USP13: variants seen among roughly 807,000 people sequenced by gnomAD.
USP13 encodes the protein ubiquitin specific peptidase 13.
Under a neutral mutation model 107.8 loss-of-function variants are expected in USP13, and 68 were observed. The ratio of observed to expected loss-of-function variants is 0.63; its 90% CI spans 0.52 to 0.77. USP13 has a LOEUF of 0.77. Among genes scored for constraint, USP13 ranks in the 30% least tolerant of loss-of-function variants. The pLI is 0.00. For missense variants in USP13, 945 were observed against 1,093.3 expected (o/e 0.86, Z 1.91); for synonymous variants, 377 against 389.5 (o/e 0.97, Z 0.38).
chr3:179,767,811 CAT>C (rs1199174521), intron 19 of USP13, among the ~76,000 whole-genome samples: 1 of 152,156 alleles, frequency 6.6e-6, no homozygotes, highest in African/African-American at 2.4e-5. Flanking sequence ...TTCCTATAAT[CAT>C]ATAGTGGCAG....
chr3:179,654,213 C>CAAAAA (rs61231956), intron 1 of USP13, among the ~76,000 whole-genome samples: 51 of 105,406 alleles, frequency 4.8e-4, no homozygotes, highest in Admixed American at 1.4e-3. Context: ...GACTCCGTCT[C>CAAAAA]AAAAAAAAAA....
chr3:179,713,619 G>A (rs771433954), intron 6 of USP13, among the ~76,000 whole-genome samples: 2 of 152,148 alleles, frequency 1.3e-5, no homozygotes, highest in African/African-American at 2.4e-5. Context: ...CACAAGAGAC[G>A]AAGTCTCAAA....
chr3:179,706,592 T>C lies in USP13; in HGVS notation c.478-342T>C, dbSNP rs1712726101. Among the ~76,000 whole-genome samples the C allele has an allele frequency of 2.6e-5, 4 of 152,250 alleles. No homozygotes were observed. The South Asian group carries it at 8.3e-4, about 32-fold the overall frequency. On this transcript the variant is annotated intron_variant, in intron 4 of 20. Transcript: ENST00000263966. ...ACACCACTTGGGTAAATCCTGGGCA[T>C]TCCTGTATCTAATTTCACCCTTGCA...
chr3:179,674,017 C>T (rs1346755441), intron 1 of USP13, among the ~76,000 whole-genome samples: 1 of 152,208 alleles, frequency 6.6e-6, no homozygotes, highest in Non-Finnish European at 1.5e-5. Flanking sequence ...CTCAGCCTTC[C>T]TGAGTAGCTG....
intron 6 of USP13, among the ~76,000 whole-genome samples, chr3:179,711,087 C>T (rs1421928385): frequency 6.6e-6 from 1 of 152,124 alleles, no homozygotes; most frequent in East Asian, 1.9e-4. Context: ...AAACATTGTC[C>T]TTTTCAATAA....
At position 179,784,086 on chromosome 3, in the gene USP13, A is replaced by G. The variant is rs1411516186; in HGVS notation, c.2537A>G (p.Glu846Gly). The G allele has an allele frequency of 6.2e-7, 1 of 1,613,530 alleles. No individual in the cohort carries two copies. ...AATGACCACAAAGTTTGTGCCTCAG[A>G]AAGGCCCCCTAAAGACCTGGGCTAC... is the stretch of plus-strand genomic sequence containing the variant. ...IYNDHKVCAS[E>G]RPPKDLGYMY... Residue 846 changes from glutamate (E) to glycine (G), a missense_variant, in exon 21 of 21, where the codon GAA becomes GGA. Glu to Gly is a moderately conservative substitution (Grantham distance 98). Coordinates refer to ENST00000263966, the MANE Select transcript of USP13 (RefSeq NM_003940.3).
At chr3:179,683,584 T>C (rs1711753041) in intron 2 of USP13, among the ~76,000 whole-genome samples, 1 of 152,162 alleles carries the variant, frequency 6.6e-6, no homozygotes, top group Non-Finnish European at 1.5e-5. Flanking sequence ...GAAATTCCCA[T>C]TTTTAAAACC....
chr3:179,728,078 C>A lies in USP13; in HGVS notation c.1089-2111C>A, dbSNP rs1231986460. ...GCGGCTGGCCGGGCGGGGGGCTGAC[C>A]CCCCCACCTCCCTCCCGGACGGGGC... On this transcript the variant is annotated intron_variant, in intron 8 of 20. Transcript: ENST00000263966. Among the ~76,000 whole-genome samples the A allele has an allele frequency of 7.4e-4, 59 of 79,606 alleles. 11 individuals carry two copies. The highest frequency in any genetic ancestry group is 1.4e-3 in the Non-Finnish European group (44 of 32,470). The allele number at this position is 79,606 out of a possible 152,430, so 52.2% of individuals were successfully genotyped here.
rs552007222 is a variant in USP13, at chr3:179,708,878, C to T, written c.726C>T (p.Asn242=). 8.7e-6 allele frequency: 14 copies of T among 1,614,044 alleles called. No homozygotes were observed. The highest frequency in any genetic ancestry group is 2.2e-5 in the East Asian group (1 of 44,876). ...GGTTCTTTGACAGCTCTGGGGGCAA[C>T]GGGCATGCGCTGGAGCATTACAGAG... ...GKWFFDSSGG[N]GHALEHYRDM... is the part of the protein sequence containing the mutation. The change falls in exon 6 of 21, where the codon AAC becomes AAT. Residue 242 remains asparagine (N), a synonymous_variant. Transcript: ENST00000263966.
chr3:179,744,959 C>T (rs931186435), intron 12 of USP13, 84 bp from the exon 13 acceptor site: 9 of 1,544,584 alleles, frequency 5.8e-6, no homozygotes, highest in Non-Finnish European at 7.9e-6. Context: ...CAGAAGCCTT[C>T]AGGGAAGACT....
intron 13 of USP13, among the ~76,000 whole-genome samples, chr3:179,748,623 C>A (rs1714492035): frequency 1.3e-5 from 2 of 152,188 alleles, no homozygotes; most frequent in South Asian, 4.1e-4. Context: ...ATTCACCCAG[C>A]AAATATTATT....
chr3:179,774,235 G>C (rs1309582132), intron 19 of USP13, among the ~76,000 whole-genome samples: 1 of 152,110 alleles, frequency 6.6e-6, no homozygotes, highest in Non-Finnish European at 1.5e-5. Context: ...TACCAGGAGA[G>C]GGCACCAAGG....
chr3:179,738,069 C>T (rs1183646822), intron 10 of USP13, among the ~76,000 whole-genome samples: 7 of 152,162 alleles, frequency 4.6e-5, no homozygotes, highest in Non-Finnish European at 8.8e-5. Context: ...ATTCTGCAAA[C>T]GTGTCATCGT....
At chr3:179,707,899 A>AT (rs1388900957) in intron 5 of USP13, among the ~76,000 whole-genome samples, 2 of 152,334 alleles carry the variant, frequency 1.3e-5, no homozygotes, top group East Asian at 3.9e-4. Context: ...GTTTGTAAAA[A>AT]TAGAGATGGT....
chr3:179,765,969 T>A, intron 19 of USP13, 121 bp downstream of exon 19: 13 of 1,046,410 alleles, frequency 1.2e-5, no homozygotes, highest in African/African-American at 3.3e-5. Flanking sequence ...ACAGATCCCA[T>A]CTTCTTCGTT....
At position 179,738,897 on chromosome 3, in the gene USP13, C is replaced by T. The variant is rs751742766; in HGVS notation, c.1255-1350C>T. On this transcript the variant is annotated intron_variant, in intron 10 of 20. Transcript: ENST00000263966. Reference sequence around the variant, plus strand: ...CTCCACTTATTTGCCTCTTTCCACCCGCTGCTGGCCCCTCCATAGTCAAGG... The same window carrying T: ...CTCCACTTATTTGCCTCTTTCCACCTGCTGCTGGCCCCTCCATAGTCAAGG... Among the ~76,000 whole-genome samples, 6 of 152,240 alleles carry T rather than the reference C, an allele frequency of 3.9e-5. No individual in the cohort carries two copies. In the South Asian group the frequency reaches 8.3e-4, roughly 21 times the overall value.
chr3:179,783,905 G>A, intron 20 of USP13, 143 bp from the exon 21 acceptor site: 1 of 553,070 alleles, frequency 1.8e-6, no homozygotes, highest in Non-Finnish European at 3.2e-6. Context: ...CCAGCATTCT[G>A]TCCCTTTTTA....
At chr3:179,673,798 G>T (rs1404761741) in intron 1 of USP13, among the ~76,000 whole-genome samples, 1 of 152,246 alleles carries the variant, frequency 6.6e-6, no homozygotes, top group African/African-American at 2.4e-5. Context: ...CTTGGGCCGA[G>T]TTCACCTAGC....
chr3:179,739,247 C>T (rs1050766474), intron 10 of USP13, among the ~76,000 whole-genome samples: 3 of 152,300 alleles, frequency 2.0e-5, no homozygotes, highest in African/African-American at 7.2e-5. Flanking sequence ...CCTGCTGGTC[C>T]CCCACGAAAT....
Sources: allele counts gnomAD v4.1 joint callset (sites outside exome capture counted in the v4.1 genomes callset), GRCh38; gene constraint gnomAD v4.1.1; transcripts MANE v1.5; gene names NCBI Gene and HGNC (gene_info 2026-07-23, HGNC 2026-07-21).